Variants in CEP350 observed in about 807,000 individuals in gnomAD.
CEP350 encodes centrosome-associated protein 350.
In CEP350, 126 loss-of-function variants were observed where a neutral mutation model predicts 331.8. The observed-to-expected ratio is 0.38, with a 90% CI of 0.33 to 0.44. The LOEUF is 0.44. Among genes scored for constraint, CEP350 ranks in the 20% least tolerant of loss-of-function variants. The probability of loss-of-function intolerance (pLI) is 1.00; values close to 1 mark genes in which losing one functional copy is unlikely to be tolerated. For missense variants in CEP350, 3,406 were observed against 3,634.6 expected (o/e 0.94, Z 1.62); for synonymous variants, 1,200 against 1,259.5 (o/e 0.95, Z 1.00).
chr1:180,055,784 G>T (rs1000860735), intron 25 of CEP350, among the ~76,000 whole-genome samples: 2 of 151,828 alleles, frequency 1.3e-5, no homozygotes, highest in Admixed American at 6.6e-5. Context: ...CTGACCTCGC[G>T]ATCCGCCATC....
At chr1:180,006,239 A>T (rs563405437) in intron 7 of CEP350, among the ~76,000 whole-genome samples, 3 of 152,280 alleles carry the variant, frequency 2.0e-5, no homozygotes, top group African/African-American at 7.2e-5. Context: ...GGAACCCAAT[A>T]CTGGAGTGGT....
Position 179,969,025 on chromosome 1 carries a change from C to A in CEP350, c.-14+13883C>A, listed in dbSNP as rs565266899. On this transcript the variant is annotated intron_variant, in intron 1 of 37. Transcript: ENST00000367607. ...GCCATGGCTTGTGGTGGTTTGACCA[C>A]CAGCCTCAAACTGAAGCATCTTAGG... 2.3e-4 allele frequency: 174 copies of A among 751,028 alleles called. 1 individual carries two copies. The African/African-American group carries it at 2.7e-3, about 12-fold the overall frequency. The allele number at this position is 751,028 out of a possible 1,614,324, so 46.5% of individuals were successfully genotyped here. A position where few individuals can be genotyped will look rare whatever the true frequency, so the allele number is the denominator to read the frequency against.
chr1:179,970,008 A>G (rs1246944539), intron 1 of CEP350, among the ~76,000 whole-genome samples: 2 of 152,230 alleles, frequency 1.3e-5, no homozygotes, highest in East Asian at 3.8e-4. Context: ...AGTACTCAGG[A>G]TAACTAGATA....
intron 6 of CEP350, among the ~76,000 whole-genome samples, chr1:179,999,864 C>T (rs1312399025): frequency 6.6e-6 from 1 of 152,080 alleles, no homozygotes; most frequent in Admixed American, 6.5e-5. Flanking sequence ...CTAAGAAGTG[C>T]TCTATGGTTC....
At chr1:180,067,859 A>G (rs1303447258) in intron 27 of CEP350, among the ~76,000 whole-genome samples, 1 of 152,218 alleles carries the variant, frequency 6.6e-6, no homozygotes, top group Non-Finnish European at 1.5e-5. Context: ...GATCTCCTTC[A>G]ATGATGTTGG....
At chr1:179,964,864 GTTGT>G (rs555709182) in intron 1 of CEP350, among the ~76,000 whole-genome samples, 206 of 149,026 alleles carry the variant, frequency 1.4e-3, no homozygotes, top group Non-Finnish European at 2.3e-3. Context: ...TTTTTTTGTT[GTTGT>G]TTGTTTGTTT....
At chr1:180,042,982 A>G (rs1486044192) in intron 19 of CEP350, 74 bp from the exon 20 acceptor site, 18 of 1,488,732 alleles carry the variant, frequency 1.2e-5, no homozygotes, top group Non-Finnish European at 1.6e-5. Flanking sequence ...TCTTTCCAAG[A>G]CACTATGCTC....
At chr1:180,042,132 T>TCTCTCACACA (rs1553258521) in intron 19 of CEP350, among the ~76,000 whole-genome samples, 4 of 146,870 alleles carry the variant, frequency 2.7e-5, no homozygotes, top group African/African-American at 1.0e-4. Context: ...GAGTTTTCTC[T>TCTCTCACACA]CACACACACA....
chr1:180,016,021 C>G (rs16855107), intron 11 of CEP350, 51 bp downstream of exon 11: 1 of 1,602,338 alleles, frequency 6.2e-7, no homozygotes, highest in Non-Finnish European at 8.5e-7. Context: ...TGAAATTTAG[C>G]GGAGTGGTCT....
chr1:180,078,726 AG>A lies in CEP350; in HGVS notation c.5979+54del, dbSNP rs1023267542. 4.8e-5 allele frequency: 69 copies of A among 1,447,236 alleles called. No homozygotes were observed. The African/African-American group carries it at 8.2e-4, about 17-fold the overall frequency. 89.6% of individuals were successfully genotyped at this position (1,447,236 alleles called of 1,614,324 possible). A position where few individuals can be genotyped will look rare whatever the true frequency, so the allele number is the denominator to read the frequency against. Reference sequence around the variant, plus strand: ...AAGATTCTCTAGAAAAAAAACTGAAAGGTATGTTAGCAGTTATATTATTGTA... The same window carrying A: ...AAGATTCTCTAGAAAAAAAACTGAAAGTATGTTAGCAGTTATATTATTGTA... On this transcript the variant is annotated intron_variant, in intron 29 of 37. Transcript: ENST00000367607.
intron 1 of CEP350, among the ~76,000 whole-genome samples, chr1:179,983,623 TA>T (rs1003559597): frequency 3.3e-5 from 5 of 152,232 alleles, no homozygotes; most frequent in Admixed American, 6.5e-5. Context: ...TTAACTTCCT[TA>T]AAAATTAACC....
intron 1 of CEP350, among the ~76,000 whole-genome samples, chr1:179,963,941 A>G (rs1650814237): frequency 6.6e-6 from 1 of 152,130 alleles, no homozygotes; most frequent in Non-Finnish European, 1.5e-5. Flanking sequence ...TGATTCTTCC[A>G]ATCCATGAGC....
At chr1:179,997,539 G>T (rs1653546362) in intron 6 of CEP350, among the ~76,000 whole-genome samples, 1 of 138,584 alleles carries the variant, frequency 7.2e-6, no homozygotes, top group Non-Finnish European at 1.5e-5. Context: ...GTGAGACTCG[G>T]TCTCAAAAAA....
chr1:180,019,945 C>G lies in CEP350; in HGVS notation c.2175-4C>G, dbSNP rs751666620. 6.4e-7 allele frequency: 1 copy of G among 1,560,234 alleles called. No individual in the cohort carries two copies. Among genetic ancestry groups the G allele is most frequent in the South Asian group, 1.2e-5 (1 of 82,248 alleles). ...AACTAACATATTGTGACTTTCATTTCCAGAAAAGACTTGATGGAATCTACA... is the reference window on the plus strand; with the variant it reads ...AACTAACATATTGTGACTTTCATTTGCAGAAAAGACTTGATGGAATCTACA... On this transcript the variant is annotated splice_region_variant and splice_polypyrimidine_tract_variant and intron_variant, in intron 11 of 37. Coordinates refer to ENST00000367607, the MANE Select transcript of CEP350 (RefSeq NM_014810.5).
chr1:179,987,437 A>G, intron 3 of CEP350, 151 bp downstream of exon 3: 1 of 148,644 alleles, frequency 6.7e-6, no homozygotes, highest in Admixed American at 6.8e-5. Context: ...ACTATATAAA[A>G]TATGTATACA....
At chr1:180,041,576 C>T in intron 18 of CEP350, 86 bp from the exon 19 acceptor site, 1 of 1,290,574 alleles carries the variant, frequency 7.7e-7, no homozygotes, top group South Asian at 1.6e-5. Context: ...ATGAATAAGA[C>T]ATGAAATAAA....
At chr1:179,963,026 C>T (rs115940724) in intron 1 of CEP350, among the ~76,000 whole-genome samples, 2,036 of 152,204 alleles carry the variant, frequency 0.013, 58 homozygotes, top group African/African-American at 0.046. Flanking sequence ...GAGATGGTAT[C>T]AGTGTGGTTT....
At chr1:180,023,221 G>A (rs373090026) in intron 13 of CEP350, among the ~76,000 whole-genome samples, 3 of 152,098 alleles carry the variant, frequency 2.0e-5, no homozygotes, top group East Asian at 1.9e-4. Flanking sequence ...GCAGTGAGCC[G>A]AGATTGCACC....
At chr1:180,008,280 A>G (rs1206627724) in intron 8 of CEP350, among the ~76,000 whole-genome samples, 1 of 152,196 alleles carries the variant, frequency 6.6e-6, no homozygotes, top group Admixed American at 6.5e-5. Flanking sequence ...CAAATTTATA[A>G]CTAGCTTTGT....
Sources: allele counts gnomAD v4.1 joint callset (sites outside exome capture counted in the v4.1 genomes callset), GRCh38; gene constraint gnomAD v4.1.1; transcripts MANE v1.5; gene names NCBI Gene and HGNC (gene_info 2026-07-23, HGNC 2026-07-21).